Variants in SYTL5 observed in about 807,000 individuals in gnomAD.
SYTL5 encodes the protein synaptotagmin like 5.
SYTL5 carries 34 observed loss-of-function variants against 55.9 expected under a neutral mutation model. The observed-to-expected ratio is 0.61, with a 90% CI of 0.46 to 0.81. SYTL5 has a LOEUF of 0.81. Ranked by LOEUF, SYTL5 falls within the 30% of genes least tolerant of loss-of-function variation. SYTL5 has a pLI of 0.00. For missense variants in SYTL5, 637 were observed against 546.7 expected (o/e 1.17, Z -1.65); for synonymous variants, 221 against 188.7 (o/e 1.17, Z -1.40).
At chrX:38,072,195 T>C (rs760586179) in intron 4 of SYTL5, 33 bp downstream of exon 4, 2 of 1,058,076 alleles carry the variant, frequency 1.9e-6, no homozygotes, top group African/African-American at 1.8e-5. Flanking sequence ...TTCACAACTG[T>C]TTTCATCTCC....
chrX:38,066,293 A>G (rs1323789164), intron 3 of SYTL5, among the ~76,000 whole-genome samples: 2 of 111,771 alleles, frequency 1.8e-5, no homozygotes, highest in East Asian at 5.6e-4. Context: ...AGATAAGATT[A>G]CCTATTTTCC....
chrX:38,004,099 C>A (rs1245472155), upstream of SYTL5, among the ~76,000 whole-genome samples: 1 of 111,778 alleles, frequency 8.9e-6, no homozygotes, highest in Non-Finnish European at 1.9e-5. Flanking sequence ...AATCCCTTGT[C>A]AGATTGGTAG....
rs755489886 is a variant in SYTL5 at position 38,126,608 on chromosome X, G to A, written c.2071G>A (p.Val691Met). Residue 691 changes from valine to methionine, a missense_variant, in exon 17 of 17, where the codon GTG (valine) becomes ATG (methionine). Transcript: ENST00000297875. ...SGSGVSHGKN[V>M]DWMDSQGEEQ... The stretch of plus-strand genomic sequence containing the variant: ...TTCAGGTGTGAGCCATGGGAAGAAC[G>A]TGGATTGGATGGACTCTCAGGGGGA... 5.0e-6 allele frequency: 6 copies of A among 1,211,375 alleles called. No individual in the cohort carries two copies. The highest frequency in any genetic ancestry group is 2.2e-5 in the Admixed American group (1 of 46,018).
chrX:37,932,345 T>C, the SYTL5 span, among the ~76,000 whole-genome samples: 2 of 111,556 alleles, frequency 1.8e-5, no homozygotes, highest in Non-Finnish European at 3.8e-5. Context: ...CCATCTTTAC[T>C]TTAAAGAGAT....
intron 1 of SYTL5, among the ~76,000 whole-genome samples, chrX:38,022,831 G>T (rs1185666584): frequency 1.8e-5 from 2 of 111,745 alleles, no homozygotes; most frequent in African/African-American, 6.5e-5. Context: ...GATCCCTGTG[G>T]ATACTTAGGA....
chrX:37,950,744 A>G, the SYTL5 span, among the ~76,000 whole-genome samples: 3 of 111,788 alleles, frequency 2.7e-5, no homozygotes, highest in Admixed American at 2.9e-4. Context: ...TTGAAAATAC[A>G]CCAAATATTG....
chrX:38,110,533 C>T (rs370460621), intron 13 of SYTL5, 51 bp downstream of exon 13: 16 of 984,373 alleles, frequency 1.6e-5, no homozygotes, highest in South Asian at 3.4e-5. Context: ...AAGTTATGAG[C>T]GAAATTGATG....
the SYTL5 span, chrX:37,949,258 T>G: frequency 8.9e-6 from 1 of 111,802 alleles, no homozygotes; most frequent in African/African-American, 3.2e-5. Flanking sequence ...GTTATTGTGA[T>G]ACTTGCAGCT....
At chrX:38,120,514 A>C (rs4827334) in intron 14 of SYTL5, 48 bp downstream of exon 14, 192,412 of 958,082 alleles carry the variant, frequency 0.2, 14,022 homozygotes, top group African/African-American at 0.33. Context: ...TGTTTCTAGA[A>C]GTGTGGTAGT....
At chrX:38,054,805 C>A in intron 3 of SYTL5, among the ~76,000 whole-genome samples, 1 of 110,786 alleles carries the variant, frequency 9.0e-6, no homozygotes, top group East Asian at 2.8e-4. Flanking sequence ...TCATGGCTCA[C>A]TGAAGCCTCG....
the SYTL5 span, among the ~76,000 whole-genome samples, chrX:37,971,525 C>A: frequency 9.1e-6 from 1 of 110,263 alleles, no homozygotes; most frequent in Non-Finnish European, 1.9e-5. Flanking sequence ...AAAACAACAA[C>A]AACAACAATA....
the SYTL5 span, among the ~76,000 whole-genome samples, chrX:37,983,808 G>A: frequency 1.8e-5 from 2 of 111,700 alleles, no homozygotes; most frequent in Non-Finnish European, 3.8e-5. Context: ...CCACAATGGA[G>A]TGAAACTACA....
chrX:38,091,812 A>T (rs1936805261), intron 7 of SYTL5, among the ~76,000 whole-genome samples: 1 of 111,443 alleles, frequency 9.0e-6, no homozygotes, highest in South Asian at 3.8e-4. Context: ...CACCCTTTTC[A>T]TGTGCTAATA....
At chrX:37,923,980 G>C in the SYTL5 span, among the ~76,000 whole-genome samples, 1 of 111,158 alleles carries the variant, frequency 9.0e-6, no homozygotes, top group African/African-American at 3.3e-5. Flanking sequence ...ATATGTTTAA[G>C]AGGTTCCCGC....
chrX:37,930,431 T>C, the SYTL5 span, among the ~76,000 whole-genome samples: 2 of 111,356 alleles, frequency 1.8e-5, no homozygotes, highest in Non-Finnish European at 3.8e-5. Context: ...TCTTTATTCT[T>C]TCCCTTTTTT....
At chrX:37,984,825 T>C in the SYTL5 span, among the ~76,000 whole-genome samples, 2 of 111,865 alleles carry the variant, frequency 1.8e-5, no homozygotes, top group African/African-American at 6.5e-5. Context: ...GCCAAGTTGG[T>C]TTAACACCCC....
At chrX:37,897,836 G>A in the SYTL5 span, among the ~76,000 whole-genome samples, 1 of 111,932 alleles carries the variant, frequency 8.9e-6, no homozygotes, top group Admixed American at 9.5e-5. Flanking sequence ...GGTGGCTCAC[G>A]CCTGTAATCC....
chrX:38,046,961 C>A (rs761701050), intron 2 of SYTL5, among the ~76,000 whole-genome samples: 1 of 112,337 alleles, frequency 8.9e-6, no homozygotes, highest in Non-Finnish European at 1.9e-5. Context: ...CCATGTCTCA[C>A]ATCCAGGTCA....
rs1235539336 is a variant in SYTL5 at position 38,010,494 on chromosome X, A to C, written c.-357+3826A>C. ...TCTGAGCGACCATTCGGGGCACAAA[A>C]ATGGGGATAACAGTCTTTCAGACAC... On this transcript the variant is annotated intron_variant, in intron 1 of 16. Transcript: ENST00000297875. Among the ~76,000 whole-genome samples the C allele has an allele frequency of 7.1e-5, 8 of 112,363 alleles. No individual in the cohort carries two copies. The East Asian group carries it at 1.4e-3, about 20-fold the overall frequency.
Sources: allele counts gnomAD v4.1 joint callset (sites outside exome capture counted in the v4.1 genomes callset), GRCh38; gene constraint gnomAD v4.1.1; transcripts MANE v1.5; gene names NCBI Gene and HGNC (gene_info 2026-07-23, HGNC 2026-07-21).